DCAF8L2: variants seen among roughly 807,000 people sequenced by gnomAD.
The protein encoded by DCAF8L2 is DDB1- and CUL4-associated factor 8-like protein 2.
For synonymous variants in DCAF8L2, 200 were observed against 190.9 expected (o/e 1.05, Z -0.39); for missense variants, 430 against 490.7 (o/e 0.88, Z 1.17).
chrX:27,734,262 TG>T (rs1245695215), intron 4 of DCAF8L2, among the ~76,000 whole-genome samples: 3 of 111,387 alleles, frequency 2.7e-5, no homozygotes, highest in Non-Finnish European at 5.6e-5. Context: ...TGTTTGCAGA[TG>T]CCTGGTCCAA....
At chrX:27,521,496 GT>G in the DCAF8L2 span, among the ~76,000 whole-genome samples, 1 of 112,251 alleles carries the variant, frequency 8.9e-6, no homozygotes, top group Non-Finnish European at 1.9e-5. Flanking sequence ...TCAACAGAAG[GT>G]AAAAGAAGGA....
chrX:27,542,875 C>G, the DCAF8L2 span, among the ~76,000 whole-genome samples: 75 of 111,267 alleles, frequency 6.7e-4, 1 homozygote, highest in East Asian at 0.016. Context: ...CTTATAGATT[C>G]TGGATACTAG....
chrX:27,688,864 A>G (rs902136681), intron 3 of DCAF8L2, among the ~76,000 whole-genome samples: 1 of 111,309 alleles, frequency 9.0e-6, no homozygotes, highest in Non-Finnish European at 1.9e-5. Context: ...TTCATTTGCT[A>G]TTTTTTTAAT....
intron 2 of DCAF8L2, among the ~76,000 whole-genome samples, chrX:27,647,763 A>G (rs1928997088): frequency 9.0e-6 from 1 of 111,074 alleles, no homozygotes. Flanking sequence ...TATAAAAAAG[A>G]TGAATTGGAC....
At chrX:27,726,484 G>A (rs1290677219) in intron 4 of DCAF8L2, among the ~76,000 whole-genome samples, 1 of 110,873 alleles carries the variant, frequency 9.0e-6, no homozygotes, top group Non-Finnish European at 1.9e-5. Flanking sequence ...CAAATCATAT[G>A]TGTAGAGCAT....
intron 3 of DCAF8L2, among the ~76,000 whole-genome samples, chrX:27,681,624 A>T (rs374022976): frequency 1.1e-3 from 124 of 112,299 alleles, no homozygotes; most frequent in African/African-American, 3.5e-3. Flanking sequence ...TAAGAGCTCT[A>T]TATTTACCTT....
chrX:27,514,244 CAT>C, the DCAF8L2 span, among the ~76,000 whole-genome samples: 2 of 64,953 alleles, frequency 3.1e-5, no homozygotes, highest in Non-Finnish European at 3.9e-5. Context: ...CATATGTACA[CAT>C]ATGTACATAT....
In DCAF8L2 at chrX:27,747,588, C is replaced by T; in HGVS notation, c.693C>T (p.Val231=). ...QYRLADHVGC[V]NTVHFNQRGT... is the part of the protein sequence containing the mutation. ...GTCTTGCAGACCATGTCGGCTGTGT[C>T]AATACTGTACACTTTAACCAGCGTG... Residue 231 remains valine (V), a synonymous_variant, in exon 5 of 5, where the codon GTC becomes GTT. Transcript: ENST00000451261. The T allele has an allele frequency of 4.2e-6, 5 of 1,196,047 alleles. No homozygotes were observed. The highest frequency in any genetic ancestry group is 5.6e-6 in the Non-Finnish European group (5 of 887,204).
chrX:27,665,658 T>A (rs1235181764), intron 2 of DCAF8L2, among the ~76,000 whole-genome samples: 2 of 111,209 alleles, frequency 1.8e-5, no homozygotes, highest in Non-Finnish European at 3.8e-5. Flanking sequence ...ATGGCAAACT[T>A]CTTTCTTGTA....
chrX:27,497,549 C>CTTCCTTCCTTCCTTCCTTCCTTCT, the DCAF8L2 span, among the ~76,000 whole-genome samples: 24 of 64,388 alleles, frequency 3.7e-4, no homozygotes, highest in Non-Finnish European at 5.2e-4. Context: ...TCCTTCCTTC[C>CTTCCTTCCTTCCTTCCTTCCTTCT]TTCTTTCTTT....
intron 1 of DCAF8L2, among the ~76,000 whole-genome samples, chrX:27,606,250 T>TTA (rs760094249): frequency 0.056 from 4,688 of 84,177 alleles, 134 homozygotes; most frequent in Middle Eastern, 0.071. Flanking sequence ...TATATAGGAA[T>TTA]TATATATATA....
chrX:27,503,530 A>G, the DCAF8L2 span, among the ~76,000 whole-genome samples: 24,473 of 110,013 alleles, frequency 0.22, 2,576 homozygotes, highest in African/African-American at 0.39. Context: ...GTCATACACC[A>G]TTTGTTGAAA....
At chrX:27,686,361 G>A (rs781649673) in intron 3 of DCAF8L2, among the ~76,000 whole-genome samples, 1 of 111,306 alleles carries the variant, frequency 9.0e-6, no homozygotes, top group Admixed American at 9.6e-5. Flanking sequence ...AATGGATGAA[G>A]AAAATGTGAT....
intron 2 of DCAF8L2, chrX:27,633,798 C>T (rs1394132862): frequency 9.0e-6 from 1 of 111,677 alleles, no homozygotes; most frequent in African/African-American, 3.3e-5. Context: ...TTTCTGGCAA[C>T]CGCTTCAAAG....
intron 2 of DCAF8L2, among the ~76,000 whole-genome samples, chrX:27,662,877 G>A (rs781355916): frequency 1.8e-5 from 2 of 111,505 alleles, no homozygotes; most frequent in African/African-American, 3.3e-5. Context: ...CAGAAGTTCA[G>A]TGTACCTTTC....
chrX:27,617,831 A>C (rs1165735138), intron 1 of DCAF8L2, among the ~76,000 whole-genome samples: 1 of 111,815 alleles, frequency 8.9e-6, no homozygotes, highest in African/African-American at 3.2e-5. Flanking sequence ...TTTATGGGAC[A>C]GAGGAACTAG....
At chrX:27,514,394 G>A in the DCAF8L2 span, among the ~76,000 whole-genome samples, 21 of 109,938 alleles carry the variant, frequency 1.9e-4, no homozygotes, top group Admixed American at 3.9e-4. Context: ...AATCGGCCGC[G>A]CGCGGTGGCT....
the DCAF8L2 span, among the ~76,000 whole-genome samples, chrX:27,498,266 T>C: frequency 8.9e-6 from 1 of 112,196 alleles, no homozygotes; most frequent in East Asian, 2.8e-4. Context: ...TTTTCCATAG[T>C]GTCTGTGCCA....
chrX:27,695,626 G>A (rs761443630), intron 3 of DCAF8L2, among the ~76,000 whole-genome samples: 1 of 111,255 alleles, frequency 9.0e-6, no homozygotes, highest in Non-Finnish European at 1.9e-5. Context: ...GGCTAGCATA[G>A]TGCCTGGCAT....
Sources: allele counts gnomAD v4.1 joint callset (sites outside exome capture counted in the v4.1 genomes callset), GRCh38; gene constraint gnomAD v4.1.1; transcripts MANE v1.5; gene names NCBI Gene and HGNC (gene_info 2026-07-23, HGNC 2026-07-21).